CCDC30: variants seen among roughly 807,000 people sequenced by gnomAD.
CCDC30 encodes the protein coiled-coil domain-containing protein 30.
CCDC30 carries 70 observed loss-of-function variants against 100.2 expected under a neutral mutation model. The ratio of observed to expected loss-of-function variants is 0.70; its 90% confidence interval spans 0.58 to 0.85. The LOEUF (loss-of-function observed/expected upper bound fraction) is 0.85, where lower values mean the gene tolerates loss of function less well. Ranked by LOEUF, CCDC30 falls within the 40% of genes least tolerant of loss-of-function variation. The pLI is 0.00. For missense variants in CCDC30, 652 were observed against 771.2 expected, an observed-to-expected ratio of 0.85 and a Z score of 1.83; for synonymous variants, 233 against 269.5, an observed-to-expected ratio of 0.86 and a Z score of 1.33.
At chr1:42,456,427 G>T in the CCDC30 span, 1 of 926,176 alleles carries the variant, frequency 1.1e-6, no homozygotes, top group Non-Finnish European at 1.5e-6. Flanking sequence ...TTCCAGACTT[G>T]GCGAGATCGG....
At chr1:42,522,978 C>T (rs753746548) in intron 6 of CCDC30, among the ~76,000 whole-genome samples, 5 of 151,538 alleles carry the variant, frequency 3.3e-5, no homozygotes, top group Non-Finnish European at 5.9e-5. Context: ...TACAGGTGCA[C>T]ACCACTACAC....
At chr1:42,559,943 C>CT (rs1283270993) in intron 6 of CCDC30, among the ~76,000 whole-genome samples, 1 of 152,170 alleles carries the variant, frequency 6.6e-6, no homozygotes, top group African/African-American at 2.4e-5. Context: ...CAAATGGTCT[C>CT]TGAGACCACA....
Position 42,538,149 on chromosome 1 carries a change from C to CAAAAAAA in CCDC30, c.457-28122_457-28116dup, listed in dbSNP as rs776412637. On this transcript the variant is annotated intron_variant, in intron 6 of 16. Transcript: ENST00000668663. ...GCAACATAGTGGGACACTGTCTCCA[C>CAAAAAAA]AAAAAAAAAAAAAAAAAAAAAAAAA... is the stretch of plus-strand genomic sequence containing the variant. Among the ~76,000 whole-genome samples the CAAAAAAA allele has an allele frequency of 7.4e-4, 61 of 82,352 alleles. 1 individual carries two copies. Among genetic ancestry groups the CAAAAAAA allele is most frequent in the African/African-American group, 3.2e-3 (48 of 15,222 alleles). The allele number at this position is 82,352 out of a possible 152,430, so 54.0% of individuals were successfully genotyped here. A position where few individuals can be genotyped will look rare whatever the true frequency, so the allele number is the denominator to read the frequency against.
chr1:42,655,406 G>A (rs908928930), downstream of CCDC30, among the ~76,000 whole-genome samples: 1 of 152,076 alleles, frequency 6.6e-6, no homozygotes, highest in African/African-American at 2.4e-5. Context: ...TTAGCCAGGT[G>A]TGGTAGTGCG....
Position 42,608,704 on chromosome 1 carries a change from G to A in CCDC30, c.1165-2274G>A, listed in dbSNP as rs1319720678. Among the ~76,000 whole-genome samples, 7 of 111,018 alleles carry A rather than the reference G, an allele frequency of 6.3e-5. No homozygotes were observed. In the East Asian group the frequency reaches 1.4e-3, roughly 22 times the overall value. 72.8% of individuals were successfully genotyped at this position (111,018 alleles called of 152,430 possible). A position where few individuals can be genotyped will look rare whatever the true frequency, so the allele number is the denominator to read the frequency against. On this transcript the variant is annotated intron_variant, in intron 10 of 16. Coordinates refer to ENST00000668663, the Ensembl canonical transcript of CCDC30. ...TGGGCGACAGACAGAGCGCGACTCC[G>A]TCTCTCTGTCTCAAAAAAAAAAAAA...
chr1:42,560,465 G>A (rs894557568), intron 6 of CCDC30, among the ~76,000 whole-genome samples: 1 of 152,084 alleles, frequency 6.6e-6, no homozygotes, highest in African/African-American at 2.4e-5. Context: ...TGCCTCCTGG[G>A]TTCAAGTGAT....
intron 6 of CCDC30, among the ~76,000 whole-genome samples, chr1:42,554,081 A>G (rs1645316073): frequency 6.6e-6 from 1 of 152,064 alleles, no homozygotes; most frequent in African/African-American, 2.4e-5. Flanking sequence ...TACTTTGATA[A>G]GTAGTTTTCA....
chr1:42,473,488 C>G, intron 1 of CCDC30: 2 of 389,508 alleles, frequency 5.1e-6, no homozygotes, highest in Non-Finnish European at 9.0e-6. Flanking sequence ...ATTAAGACTC[C>G]ATGTATAGGA....
chr1:42,630,408 A>G (rs373595760), intron 11 of CCDC30, among the ~76,000 whole-genome samples: 1 of 141,940 alleles, frequency 7.0e-6, no homozygotes. Context: ...TTTCAGATGG[A>G]GTCTCGCTCT....
chr1:42,646,019 C>A, intron 14 of CCDC30, 116 bp from the exon 19 acceptor site: 1 of 1,320,764 alleles, frequency 7.6e-7, no homozygotes, highest in Non-Finnish European at 1.0e-6. Flanking sequence ...AGAATGGTCA[C>A]ATGGATCAGA....
chr1:42,500,559 A>C (rs1569826018), intron 6 of CCDC30, among the ~76,000 whole-genome samples: 1 of 151,350 alleles, frequency 6.6e-6, no homozygotes, highest in Non-Finnish European at 1.5e-5. Context: ...GACTACAGGC[A>C]CCCGCCACCA....
At chr1:42,490,124 G>T in intron 3 of CCDC30, 34 bp from the exon 4 acceptor site, 1 of 828,700 alleles carries the variant, frequency 1.2e-6, no homozygotes. Context: ...CTAATCATTT[G>T]TTCCTTATAC....
At position 42,653,304 on chromosome 1, in the gene CCDC30, T is replaced by G. The variant is rs980050165; in HGVS notation, c.1855-72T>G. ...AGGTATTGTATCTATTATATATATA[T>G]TTTTTTCTAGGATCATATAGCTAAT... On this transcript the variant is annotated intron_variant, in intron 15 of 16. Coordinates refer to ENST00000668663, the Ensembl canonical transcript of CCDC30. 7.5e-6 allele frequency: 6 copies of G among 800,752 alleles called. No individual in the cohort carries two copies. In the African/African-American group the frequency reaches 1.1e-4, roughly 14 times the overall value. 49.6% of individuals were successfully genotyped at this position (800,752 alleles called of 1,614,324 possible). A position where few individuals can be genotyped will look rare whatever the true frequency, so the allele number is the denominator to read the frequency against.
At chr1:42,468,211 C>T (rs1643653403) in intron 1 of CCDC30, among the ~76,000 whole-genome samples, 1 of 152,206 alleles carries the variant, frequency 6.6e-6, no homozygotes, top group Admixed American at 6.5e-5. Flanking sequence ...ATTCCTCCCA[C>T]ATAAAAGTCA....
chr1:42,536,830 C>A, intron 6 of CCDC30: 1 of 471,462 alleles, frequency 2.1e-6, no homozygotes, highest in South Asian at 2.8e-5. Flanking sequence ...GGGTTCTCTT[C>A]CTGGCTTGCA....
intron 1 of CCDC30, among the ~76,000 whole-genome samples, chr1:42,467,937 A>G (rs1336771213): frequency 6.6e-6 from 1 of 152,260 alleles, no homozygotes. Context: ...CTTGCTGATG[A>G]GCAAGCAGAG....
chr1:42,475,968 A>C (rs1255916859), intron 1 of CCDC30, among the ~76,000 whole-genome samples: 1 of 152,224 alleles, frequency 6.6e-6, no homozygotes, highest in African/African-American at 2.4e-5. Context: ...CATTTATTTA[A>C]ATTGGAAATA....
At chr1:42,481,204 A>G (rs1039799051) in intron 2 of CCDC30, among the ~76,000 whole-genome samples, 1 of 152,150 alleles carries the variant, frequency 6.6e-6, no homozygotes, top group East Asian at 1.9e-4. Flanking sequence ...GGAAAAAATC[A>G]CTCATTTGAC....
intron 6 of CCDC30, among the ~76,000 whole-genome samples, chr1:42,564,558 G>A (rs915181467): frequency 4.8e-5 from 6 of 124,822 alleles, no homozygotes; most frequent in Non-Finnish European, 7.0e-5. Context: ...GAGCCACCAC[G>A]CCCAGCCTAT....
Sources: gnomAD v4.1 joint callset for allele counts (sites outside exome capture counted in the v4.1 genomes callset) on GRCh38, gnomAD v4.1.1 for gene constraint, MANE v1.5 for transcripts, NCBI Gene and HGNC (gene_info 2026-07-23, HGNC 2026-07-21) for gene names.